Variants in ZBTB20 observed in about 807,000 individuals in gnomAD.
The protein encoded by ZBTB20 is zinc finger and BTB domain containing 20.
ZBTB20 carries 9 observed loss-of-function variants against 56.9 expected under a neutral mutation model. The ratio of observed to expected loss-of-function variants is 0.16; its 90% CI spans 0.10 to 0.28. ZBTB20 has a LOEUF of 0.28. Ranked by LOEUF, ZBTB20 falls within the 10% of genes least tolerant of loss-of-function variation. The pLI is 1.00. For synonymous variants in ZBTB20, 417 were observed against 420.7 expected (o/e 0.99, Z 0.11); for missense variants, 655 against 1,003.0 (o/e 0.65, Z 4.69).
chr3:114,563,701 G>A (rs2052374487), intron 6 of ZBTB20, among the ~76,000 whole-genome samples: 1 of 152,140 alleles, frequency 6.6e-6, no homozygotes, highest in South Asian at 2.1e-4. Context: ...ACTTGCCCAT[G>A]ATTTTAATTT....
At chr3:114,446,634 CCT>C (rs1421610333) in intron 7 of ZBTB20, among the ~76,000 whole-genome samples, 1 of 152,056 alleles carries the variant, frequency 6.6e-6, no homozygotes, top group Non-Finnish European at 1.5e-5. Context: ...TCACGAACTT[CCT>C]CTCTCTCTTT....
intron 1 of ZBTB20, among the ~76,000 whole-genome samples, chr3:115,119,832 T>A (rs370107083): frequency 2.3e-4 from 35 of 152,270 alleles, no homozygotes; most frequent in African/African-American, 7.9e-4. Context: ...AAGAGTGTAA[T>A]ACTGTGAATT....
At chr3:114,362,207 C>T (rs2081965490) in intron 10 of ZBTB20, among the ~76,000 whole-genome samples, 3 of 152,096 alleles carry the variant, frequency 2.0e-5, no homozygotes, top group Non-Finnish European at 2.9e-5. Context: ...ACATGTAGCA[C>T]CTAAGTTAGT....
At chr3:114,978,010 C>CAAAAAAAAA (rs764420792) in intron 2 of ZBTB20, among the ~76,000 whole-genome samples, 1 of 56,554 alleles carries the variant, frequency 1.8e-5, no homozygotes, top group Non-Finnish European at 4.3e-5. Context: ...GACCCAGTCT[C>CAAAAAAAAA]AAAAAAAAAA....
At chr3:114,925,651 C>T (rs1236368087) in intron 3 of ZBTB20, among the ~76,000 whole-genome samples, 2 of 152,014 alleles carry the variant, frequency 1.3e-5, no homozygotes, top group East Asian at 3.9e-4. Context: ...CTCAGCCTCC[C>T]GAGCAGCTGG....
intron 10 of ZBTB20, among the ~76,000 whole-genome samples, chr3:114,373,557 C>T (rs1256646404): frequency 6.6e-6 from 1 of 152,106 alleles, no homozygotes; most frequent in Non-Finnish European, 1.5e-5. Flanking sequence ...TACAAATGCC[C>T]ACTCCTTTAT....
intron 6 of ZBTB20, among the ~76,000 whole-genome samples, chr3:114,533,973 C>T (rs2048156331): frequency 6.6e-6 from 1 of 152,132 alleles, no homozygotes; most frequent in African/African-American, 2.4e-5. Flanking sequence ...TGCCTTACAA[C>T]AGCTCCTGAA....
intron 8 of ZBTB20, among the ~76,000 whole-genome samples, chr3:114,381,573 C>G (rs569949716): frequency 5.5e-4 from 83 of 152,280 alleles, no homozygotes; most frequent in Non-Finnish European, 9.9e-4. Flanking sequence ...CCAGAAAAAG[C>G]ATTTATTTTA....
In ZBTB20 at chr3:114,351,592, C is replaced by T; in HGVS notation, c.486G>A (p.Val162=). 5 of 1,614,136 alleles carry T rather than the reference C, an allele frequency of 3.1e-6. No homozygotes were observed. The highest frequency in any genetic ancestry group is 4.2e-6 in the Non-Finnish European group (5 of 1,180,038). The change falls in exon 11 of 12, where the codon GTG becomes GTA. Residue 162 remains valine, a synonymous_variant. Transcript: ENST00000675478. Reference sequence around the variant, plus strand: ...GAGCTTCCGACTGCGAGACCCGTAGCACGCCGCTGTACATGAAGTCAATGA... The same window carrying T: ...GAGCTTCCGACTGCGAGACCCGTAGTACGCCGCTGTACATGAAGTCAATGA... The part of the protein sequence containing the change: ...QKLIDFMYSG[V]LRVSQSEALQ...
In ZBTB20 at chr3:114,339,085, CG is replaced by C. The variant is rs756094813; in HGVS notation, c.2145del (p.Tyr715Ter). On this transcript the variant is annotated frameshift_variant, in exon 12 of 12. Coordinates refer to ENST00000675478, the MANE Select transcript of ZBTB20 (RefSeq NM_001348800.3). LOFTEE classifies it high-confidence loss of function. The surrounding 1 kb of genome is among the most constrained non-coding windows in gnomAD (Gnocchi z 4.2). ...GVVACTEGTT[Y>X]VCSVCPAKFD... ...AACTTTGCTGGGCAGACGGAGCAGA[CG>C]TAAGTGGTCCCCTCCGTGCAGGCCA... 1.9e-6 allele frequency: 3 copies of C among 1,584,932 alleles called. No individual in the cohort carries two copies. The highest frequency in any genetic ancestry group is 2.6e-6 in the Non-Finnish European group (3 of 1,163,684).
intron 5 of ZBTB20, among the ~76,000 whole-genome samples, chr3:114,773,946 A>C (rs2069404377): frequency 6.6e-6 from 1 of 152,168 alleles, no homozygotes. Context: ...TTTCTTACTC[A>C]TATTTTTTAC....
chr3:115,145,079 T>C (rs898913987), intron 1 of ZBTB20, among the ~76,000 whole-genome samples: 1 of 152,156 alleles, frequency 6.6e-6, no homozygotes, highest in African/African-American at 2.4e-5. Context: ...ATCTTGAAAA[T>C]TAAGCCTTGA....
intron 4 of ZBTB20, among the ~76,000 whole-genome samples, chr3:114,893,683 G>GA (rs1165087377): frequency 6.7e-6 from 1 of 149,056 alleles, no homozygotes; most frequent in African/African-American, 2.5e-5. Flanking sequence ...CTGGATAAAA[G>GA]AAAAAAATCA....
At chr3:114,614,750 T>A (rs1355616883) in intron 6 of ZBTB20, among the ~76,000 whole-genome samples, 1 of 151,872 alleles carries the variant, frequency 6.6e-6, no homozygotes, top group Non-Finnish European at 1.5e-5. Flanking sequence ...TGTTTGTTTG[T>A]TTGTTTGTTT....
intron 2 of ZBTB20, among the ~76,000 whole-genome samples, chr3:114,994,487 T>C (rs900140236): frequency 5.3e-5 from 8 of 151,910 alleles, no homozygotes; most frequent in African/African-American, 1.9e-4. Flanking sequence ...ACAACAAACT[T>C]AGCTTAAAAG....
At chr3:114,563,110 T>C (rs941438252) in intron 6 of ZBTB20, among the ~76,000 whole-genome samples, 11 of 152,278 alleles carry the variant, frequency 7.2e-5, no homozygotes, top group Middle Eastern at 3.4e-3. Flanking sequence ...GTCTGGAAAG[T>C]GCAATAAAGT....
intron 7 of ZBTB20, among the ~76,000 whole-genome samples, chr3:114,428,919 A>G (rs1328481960): frequency 6.6e-6 from 1 of 152,224 alleles, no homozygotes; most frequent in Non-Finnish European, 1.5e-5. Flanking sequence ...ATGAATTTAC[A>G]GATAGATTTG....
chr3:114,917,418 G>C (rs1421346903), intron 3 of ZBTB20, among the ~76,000 whole-genome samples: 1 of 152,120 alleles, frequency 6.6e-6, no homozygotes, highest in Non-Finnish European at 1.5e-5. Context: ...CTTGATGCTT[G>C]TGGATGTCTG....
intron 4 of ZBTB20, among the ~76,000 whole-genome samples, chr3:114,866,824 G>A (rs960523389): frequency 6.6e-6 from 1 of 152,146 alleles, no homozygotes; most frequent in African/African-American, 2.4e-5. Context: ...CAGGTCTCAA[G>A]CCTTTGGACT....
Sources: gnomAD v4.1 joint callset for allele counts (sites outside exome capture counted in the v4.1 genomes callset) on GRCh38, gnomAD v4.1.1 for gene constraint, Gnocchi (gnomAD v3.1) non-coding constraint, MANE v1.5 for transcripts, NCBI Gene and HGNC (gene_info 2026-07-23, HGNC 2026-07-21) for gene names.